KCNH5: variants seen among roughly 807,000 people sequenced by gnomAD.
KCNH5 encodes voltage-gated delayed rectifier potassium channel KCNH5.
In KCNH5, 46 loss-of-function variants were observed where a neutral mutation model predicts 96.1. The observed-to-expected ratio is 0.48, with a 90% CI of 0.38 to 0.61. The LOEUF is 0.61. Ranked by LOEUF, KCNH5 falls within the 20% of genes least tolerant of loss-of-function variation. KCNH5 has a pLI of 0.00. For missense variants in KCNH5, 907 were observed against 1,225.8 expected (o/e 0.74, Z 3.88); for synonymous variants, 439 against 449.8 (o/e 0.98, Z 0.30).
At chr14:62,908,782 A>ACTTTTTT (rs71451284) in intron 7 of KCNH5, among the ~76,000 whole-genome samples, 10 of 23,718 alleles carry the variant, frequency 4.2e-4, no homozygotes, top group African/African-American at 1.8e-3. Flanking sequence ...TTTGCTTTGT[A>ACTTTTTT]TTTTTTTTTT....
At chr14:62,950,960 T>C (rs146980802) in intron 6 of KCNH5, among the ~76,000 whole-genome samples, 62 of 152,312 alleles carry the variant, frequency 4.1e-4, no homozygotes, top group African/African-American at 1.5e-3. Context: ...CCCTCTACTC[T>C]AAAAGGTTTC....
intron 9 of KCNH5, among the ~76,000 whole-genome samples, chr14:62,798,213 T>C (rs1886579466): frequency 6.6e-6 from 1 of 152,190 alleles, no homozygotes. Context: ...AATTTGAAGT[T>C]ACAACTAAAA....
At chr14:62,827,342 G>A (rs1887247830) in intron 8 of KCNH5, among the ~76,000 whole-genome samples, 1 of 152,146 alleles carries the variant, frequency 6.6e-6, no homozygotes, top group Non-Finnish European at 1.5e-5. Context: ...GTGCTTGTTA[G>A]AAACACAGAT....
intron 7 of KCNH5, among the ~76,000 whole-genome samples, chr14:62,934,627 T>C (rs1331873348): frequency 1.4e-4 from 22 of 152,174 alleles, no homozygotes; most frequent in Admixed American, 1.4e-3. Flanking sequence ...ATCCTCTCAC[T>C]GAAACAGTGG....
At chr14:62,892,654 CTT>C (rs1158282130) in intron 7 of KCNH5, among the ~76,000 whole-genome samples, 1 of 152,170 alleles carries the variant, frequency 6.6e-6, no homozygotes, top group Non-Finnish European at 1.5e-5. Flanking sequence ...CAAACCCTCT[CTT>C]GTCAGTAGTT....
intron 10 of KCNH5, among the ~76,000 whole-genome samples, chr14:62,734,723 T>C (rs1008204503): frequency 3.9e-5 from 6 of 152,124 alleles, no homozygotes; most frequent in African/African-American, 1.4e-4. Flanking sequence ...ATCTCTCTCC[T>C]CCTCACCAAA....
chr14:62,801,158 T>C (rs980848543), intron 9 of KCNH5, among the ~76,000 whole-genome samples: 10 of 152,114 alleles, frequency 6.6e-5, no homozygotes, highest in African/African-American at 2.4e-4. Context: ...AGTCAATTTT[T>C]CATTATATTG....
rs565869827 is a variant in KCNH5 at position 62,829,632 on chromosome 14, C to T, written c.1569+20021G>A. On this transcript the variant is annotated intron_variant, in intron 8 of 10. Coordinates refer to ENST00000322893, the MANE Select transcript of KCNH5 (RefSeq NM_139318.5). The stretch of plus-strand genomic sequence containing the variant: ...CAGGGCACCATGTCCTGAGGCTGCA[C>T]AGAGCAGCAGAGCTCTGGGCCTGGA... 8.5e-4 allele frequency among the ~76,000 whole-genome samples: 129 copies of T among 152,318 alleles called. 1 individual carries two copies. The highest frequency in any genetic ancestry group is 1.5e-3 in the Non-Finnish European group (99 of 68,026).
rs1176199421 is a variant in KCNH5, at chr14:62,712,458, C to A, written c.2020-4003G>T. ...CACAGGTCATATTATTCTTTTATCA[C>A]AGAGAAGCAAATTGAGGCATAAAGA... On this transcript the variant is annotated intron_variant, in intron 10 of 10. Transcript: ENST00000322893. 8.5e-6 allele frequency: 5 copies of A among 589,698 alleles called. No homozygotes were observed. The African/African-American group carries it at 9.3e-5, about 11-fold the overall frequency. The allele number at this position is 589,698 out of a possible 1,614,324, so 36.5% of individuals were successfully genotyped here.
chr14:62,854,203 C>G (rs190526994), intron 7 of KCNH5, among the ~76,000 whole-genome samples: 62 of 151,752 alleles, frequency 4.1e-4, no homozygotes, highest in African/African-American at 1.5e-3. Context: ...CATCTTTTCC[C>G]CTAGGAATGC....
chr14:62,777,225 G>C (rs1023133628), intron 10 of KCNH5, among the ~76,000 whole-genome samples: 1 of 152,190 alleles, frequency 6.6e-6, no homozygotes, highest in Non-Finnish European at 1.5e-5. Context: ...GAAAATGTCA[G>C]TGGCTTTGAC....
In KCNH5 at chr14:62,799,802, A is replaced by G. The variant is rs992638936; in HGVS notation, c.1822+2527T>C. ...ATTTTATATATTTAATATATTATAT[A>G]TTTAATATTTAATATATAATTAAAT... On this transcript the variant is annotated intron_variant, in intron 9 of 10. Transcript: ENST00000322893. 7.1e-4 allele frequency among the ~76,000 whole-genome samples: 97 copies of G among 137,058 alleles called. 2 individuals carry two copies. Among genetic ancestry groups the G allele is most frequent in the Non-Finnish European group, 4.5e-4 (29 of 63,954 alleles). 89.9% of individuals were successfully genotyped at this position (137,058 alleles called of 152,430 possible). A position where few individuals can be genotyped will look rare whatever the true frequency, so the allele number is the denominator to read the frequency against.
chr14:62,708,356 T>C lies in KCNH5; in HGVS notation c.2119A>G (p.Arg707Gly). 1 of 1,614,078 alleles carries C rather than the reference T, an allele frequency of 6.2e-7. No homozygotes were observed. Among genetic ancestry groups the C allele is most frequent in the Non-Finnish European group, 8.5e-7 (1 of 1,180,028 alleles). The change falls in exon 11 of 11, where the codon AGA (arginine) becomes GGA (glycine). Residue 707 changes from arginine (R) to glycine (G), a missense_variant. Physicochemically the swap from Arg to Gly is moderately radical, Grantham distance 125. Coordinates refer to ENST00000322893, the MANE Select transcript of KCNH5 (RefSeq NM_139318.5). ...TGCTTGAACTTCTGGAAGAGCTTTC[T>C]GACTGGGTGGTCCACGGGAATGCTG... ...TLSIPVDHPV[R>G]KLFQKFKQQK... is the part of the protein sequence containing the mutation.
chr14:63,031,217 CTAAG>C (rs144464643), intron 1 of KCNH5, among the ~76,000 whole-genome samples: 1,629 of 152,140 alleles, frequency 0.011, 26 homozygotes, highest in African/African-American at 0.037. Context: ...TTCTGAACTG[CTAAG>C]TTTTTGTTTT....
At chr14:62,846,887 G>A (rs4899099) in intron 8 of KCNH5, among the ~76,000 whole-genome samples, 14,032 of 129,056 alleles carry the variant, frequency 0.11, 977 homozygotes, top group East Asian at 0.33. Context: ...TGCAAGCTCC[G>A]CCTCCCGGGT....
chr14:63,014,574 C>G (rs1891289104), intron 2 of KCNH5, among the ~76,000 whole-genome samples: 1 of 151,954 alleles, frequency 6.6e-6, no homozygotes, highest in Non-Finnish European at 1.5e-5. Context: ...ACATGGGACA[C>G]AAGAAGGGAT....
intron 10 of KCNH5, among the ~76,000 whole-genome samples, chr14:62,746,949 C>A (rs182772506): frequency 2.2e-3 from 336 of 152,328 alleles, no homozygotes; most frequent in African/African-American, 7.8e-3. Flanking sequence ...AACACGCTAT[C>A]ATGTTAAGAT....
At chr14:62,878,219 G>T (rs1888421820) in intron 7 of KCNH5, among the ~76,000 whole-genome samples, 1 of 150,944 alleles carries the variant, frequency 6.6e-6, no homozygotes, top group African/African-American at 2.5e-5. Flanking sequence ...GGGGCGGAGG[G>T]ATAGCATTAG....
intron 8 of KCNH5, among the ~76,000 whole-genome samples, chr14:62,821,562 T>C (rs1346184566): frequency 6.6e-6 from 1 of 152,156 alleles, no homozygotes; most frequent in African/African-American, 2.4e-5. Context: ...AAAGGGGCTT[T>C]AGGGCAATAA....
Sources: allele counts gnomAD v4.1 joint callset (sites outside exome capture counted in the v4.1 genomes callset), GRCh38; gene constraint gnomAD v4.1.1; transcripts MANE v1.5; gene names NCBI Gene and HGNC (gene_info 2026-07-23, HGNC 2026-07-21).